SNAPC3: variants seen among roughly 807,000 people sequenced by gnomAD.
SNAPC3 encodes the protein snRNA-activating protein complex subunit 3.
Under a neutral mutation model 47.7 loss-of-function variants are expected in SNAPC3, and 56 were observed. That is an observed-to-expected ratio of 1.18 (90% CI 0.95 to 1.47). The LOEUF is 1.47. Ranked by LOEUF, SNAPC3 falls within the 40% of genes most tolerant of loss-of-function variation. The pLI is 0.00. For synonymous variants in SNAPC3, 235 were observed against 189.9 expected (o/e 1.24, Z -1.95); for missense variants, 665 against 511.3 (o/e 1.30, Z -2.90).
chr9:15,444,570 T>C (rs1373243123), intron 3 of SNAPC3, 32 bp from the exon 4 acceptor site: 1 of 1,327,744 alleles, frequency 7.5e-7, no homozygotes, highest in South Asian at 1.2e-5. Context: ...AGTTATAGTA[T>C]CTGATTTCAG....
chr9:15,442,775 C>T (rs915339449), intron 3 of SNAPC3, among the ~76,000 whole-genome samples: 9 of 152,304 alleles, frequency 5.9e-5, no homozygotes, highest in African/African-American at 1.7e-4. Flanking sequence ...GGGTGGCGGC[C>T]GGGTACAGGC....
At position 15,451,351 on chromosome 9, in the gene SNAPC3, A is replaced by C. The variant is rs2034371975; in HGVS notation, c.764A>C (p.Glu255Ala). ...DLYKSAFFYFEGTFYNDKRYP... is the reference protein window; with the variant it reads ...DLYKSAFFYFAGTFYNDKRYP... ...TACAAATCAGCCTTCTTTTATTTTGAAGGAACATTTTATAATGATAAAAGA... is the reference window on the plus strand; with the variant it reads ...TACAAATCAGCCTTCTTTTATTTTGCAGGAACATTTTATAATGATAAAAGA... The change falls in exon 6 of 9, where the codon GAA (glutamate) becomes GCA (alanine). Residue 255 changes from glutamate to alanine, a missense_variant. Physicochemically the swap from Glu to Ala is moderately radical, Grantham distance 107. Coordinates refer to ENST00000380821, the MANE Select transcript of SNAPC3 (RefSeq NM_001039697.2). The C allele has an allele frequency of 3.2e-5, 49 of 1,546,064 alleles. No homozygotes were observed. Among genetic ancestry groups the C allele is most frequent in the Non-Finnish European group, 4.3e-5 (49 of 1,127,806 alleles).
chr9:15,428,239 A>C (rs2031701398), intron 2 of SNAPC3, among the ~76,000 whole-genome samples: 3 of 152,214 alleles, frequency 2.0e-5, no homozygotes, highest in Admixed American at 2.0e-4. Flanking sequence ...TGTTACAAAA[A>C]TGAGCAAGAG....
chr9:15,427,799 A>G (rs1327660449), intron 2 of SNAPC3, among the ~76,000 whole-genome samples: 6 of 152,212 alleles, frequency 3.9e-5, no homozygotes, highest in Non-Finnish European at 5.9e-5. Context: ...AAAACAAAAA[A>G]CAAAAGAACC....
chr9:15,442,710 C>T (rs1426035578), intron 3 of SNAPC3, among the ~76,000 whole-genome samples: 2 of 151,986 alleles, frequency 1.3e-5, no homozygotes, highest in Admixed American at 1.3e-4. Flanking sequence ...CAGAGGGGCT[C>T]CTCACATCCC....
intron 3 of SNAPC3, among the ~76,000 whole-genome samples, chr9:15,435,225 T>C (rs1022969078): frequency 6.6e-6 from 1 of 152,206 alleles, no homozygotes; most frequent in Non-Finnish European, 1.5e-5. Context: ...TTGAAAAAGA[T>C]CTATTAAAAT....
chr9:15,453,842 C>A (rs938386615), intron 7 of SNAPC3, among the ~76,000 whole-genome samples: 1 of 152,120 alleles, frequency 6.6e-6, no homozygotes, highest in African/African-American at 2.4e-5. Flanking sequence ...TTATGAGAGA[C>A]CATTTAAAAG....
chr9:15,452,154 G>A (rs1173272649), intron 6 of SNAPC3, among the ~76,000 whole-genome samples: 2 of 151,812 alleles, frequency 1.3e-5, no homozygotes, highest in African/African-American at 4.8e-5. Context: ...GTAGAGACAG[G>A]GTTTCAACAT....
chr9:15,438,559 T>C (rs2033036427), intron 3 of SNAPC3, among the ~76,000 whole-genome samples: 1 of 152,168 alleles, frequency 6.6e-6, no homozygotes, highest in African/African-American at 2.4e-5. Flanking sequence ...ATTGTTCTTT[T>C]ATATAAAGTT....
At chr9:15,443,751 T>C (rs559521574) in intron 3 of SNAPC3, among the ~76,000 whole-genome samples, 3 of 152,302 alleles carry the variant, frequency 2.0e-5, no homozygotes, top group Admixed American at 2.0e-4. Context: ...AGGTCCCCAC[T>C]GCCTGCCTTG....
At chr9:15,430,913 G>T (rs2032058465) in intron 2 of SNAPC3, among the ~76,000 whole-genome samples, 1 of 152,116 alleles carries the variant, frequency 6.6e-6, no homozygotes, top group African/African-American at 2.4e-5. Flanking sequence ...GTAGTTTATT[G>T]GCTCTCATCT....
chr9:15,424,910 G>A (rs2031153959), intron 2 of SNAPC3, among the ~76,000 whole-genome samples: 2 of 152,254 alleles, frequency 1.3e-5, no homozygotes, highest in Admixed American at 1.3e-4. Flanking sequence ...CCCTACTGCT[G>A]ACTTTTACAG....
intron 3 of SNAPC3, among the ~76,000 whole-genome samples, chr9:15,444,038 T>C (rs1274463637): frequency 2.0e-5 from 3 of 152,216 alleles, no homozygotes; most frequent in Admixed American, 2.0e-4. Context: ...TTCCCACTTA[T>C]TTTTAAAACT....
intron 2 of SNAPC3, among the ~76,000 whole-genome samples, chr9:15,427,454 T>G (rs2131739739): frequency 6.6e-6 from 1 of 152,340 alleles, no homozygotes; most frequent in South Asian, 2.1e-4. Flanking sequence ...GCTCAAGTGA[T>G]TCTTCTGCCT....
chr9:15,425,897 T>C (rs996723701), intron 2 of SNAPC3, among the ~76,000 whole-genome samples: 2 of 152,238 alleles, frequency 1.3e-5, no homozygotes, highest in African/African-American at 4.8e-5. Flanking sequence ...ATTTCACTCT[T>C]GTTGCCCAGG....
chr9:15,462,376 G>T (rs528220115), downstream of SNAPC3: 1 of 152,278 alleles, frequency 6.6e-6, no homozygotes, highest in Admixed American at 6.5e-5. Context: ...TTATGTATCA[G>T]TTATACAGGT....
At chr9:15,441,068 TTTTC>T (rs1257983686) in intron 3 of SNAPC3, among the ~76,000 whole-genome samples, 2 of 152,130 alleles carry the variant, frequency 1.3e-5, no homozygotes, top group Admixed American at 1.3e-4. Context: ...AGGAATCTGA[TTTTC>T]TTTAAGTATT....
intron 5 of SNAPC3, among the ~76,000 whole-genome samples, chr9:15,450,487 C>G (rs375881952): frequency 2.0e-5 from 3 of 152,294 alleles, no homozygotes; most frequent in Admixed American, 1.3e-4. Context: ...TATTATTATT[C>G]TCATTTCACA....
chr9:15,431,726 C>G (rs1416719566), intron 2 of SNAPC3, among the ~76,000 whole-genome samples: 2 of 151,876 alleles, frequency 1.3e-5, no homozygotes, highest in Admixed American at 6.6e-5. Context: ...TTCACACACC[C>G]CAAATGTAAT....
Sources: allele counts gnomAD v4.1 joint callset (sites outside exome capture counted in the v4.1 genomes callset), GRCh38; gene constraint gnomAD v4.1.1; transcripts MANE v1.5; gene names NCBI Gene and HGNC (gene_info 2026-07-23, HGNC 2026-07-21).